The following SLC6A13 variants were observed in gnomAD, a reference collection of about 807,000 sequenced individuals.
SLC6A13 encodes sodium- and chloride-dependent GABA transporter 2.
In SLC6A13, 69 loss-of-function variants were observed where a neutral mutation model predicts 72.9. The ratio of observed to expected loss-of-function variants is 0.95; its 90% CI spans 0.78 to 1.16. The LOEUF (loss-of-function observed/expected upper bound fraction) is 1.16. Among genes scored for constraint, SLC6A13 ranks in the 50% most tolerant of loss-of-function variants. The pLI is 0.00. For synonymous variants in SLC6A13, 303 were observed against 303.0 expected (o/e 1.00, Z 0.00); for missense variants, 735 against 760.5 (o/e 0.97, Z 0.39).
At chr12:227,496 C>T (rs1451588919) in intron 8 of SLC6A13, 69 bp downstream of exon 8, 67 of 1,601,312 alleles carry the variant, frequency 4.2e-5, no homozygotes, top group Non-Finnish European at 5.5e-5. Context: ...AACTCACCCT[C>T]GTCTAGCGTG....
chr12:244,550 C>T (rs1249057377), intron 2 of SLC6A13, among the ~76,000 whole-genome samples: 4 of 152,120 alleles, frequency 2.6e-5, no homozygotes, highest in African/African-American at 9.7e-5. Context: ...ATTATCTGGG[C>T]ATGGCTGTGT....
At chr12:250,123 T>A (rs1027230897) in intron 2 of SLC6A13, among the ~76,000 whole-genome samples, 1 of 152,124 alleles carries the variant, frequency 6.6e-6, no homozygotes, top group African/African-American at 2.4e-5. Flanking sequence ...CCAGCAATGA[T>A]GAGGAGAAGA....
chr12:244,766 C>A (rs505211), intron 2 of SLC6A13, among the ~76,000 whole-genome samples: 41,635 of 152,082 alleles, frequency 0.27, 5,918 homozygotes, highest in East Asian at 0.46. Context: ...CTGCCATGGG[C>A]TGACACAAAG....
At chr12:236,550 C>T (rs752489377) in intron 6 of SLC6A13, among the ~76,000 whole-genome samples, 1 of 152,244 alleles carries the variant, frequency 6.6e-6, no homozygotes, top group African/African-American at 2.4e-5. Flanking sequence ...TCCCCTGACA[C>T]ATATTCAATA....
chr12:233,405 C>T (rs1338769780), intron 7 of SLC6A13, among the ~76,000 whole-genome samples: 6 of 152,220 alleles, frequency 3.9e-5, no homozygotes, highest in African/African-American at 1.4e-4. Flanking sequence ...CAGCAGGCAA[C>T]ACCACCCCTC....
chr12:238,650 T>C (rs1942033182), intron 4 of SLC6A13, among the ~76,000 whole-genome samples: 1 of 152,180 alleles, frequency 6.6e-6, no homozygotes. Context: ...ATAAATACAA[T>C]AATCCTGGGA....
At chr12:256,722 C>T (rs965227527) in intron 2 of SLC6A13, 1 of 152,132 alleles carries the variant, frequency 6.6e-6, no homozygotes, top group African/African-American at 2.4e-5. Flanking sequence ...CATCCCTGAG[C>T]TTCTCACTAA....
rs1479033555 is a variant in SLC6A13 at position 232,089 on chromosome 12, T to C, written c.831+3001A>G. Among the ~76,000 whole-genome samples the C allele has an allele frequency of 5.3e-5, 8 of 152,202 alleles. No homozygotes were observed. The South Asian group carries it at 1.2e-3, about 24-fold the overall frequency. ...CTGCTGTGAGCGTTTGCTGAAATAA[T>C]GCATGTAAGCCTCTTAACAATGTCA... On this transcript the variant is annotated intron_variant, in intron 7 of 14. Transcript: ENST00000343164.
At chr12:242,275 C>A (rs986954182) in intron 4 of SLC6A13, among the ~76,000 whole-genome samples, 1 of 152,138 alleles carries the variant, frequency 6.6e-6, no homozygotes, top group African/African-American at 2.4e-5. Flanking sequence ...GTTTGAAAGA[C>A]CTAAAACGTA....
intron 4 of SLC6A13, 139 bp from the exon 5 acceptor site, chr12:238,149 A>G: frequency 3.2e-6 from 5 of 1,540,888 alleles, no homozygotes; most frequent in Non-Finnish European, 4.4e-6. Flanking sequence ...TCTGTACAAA[A>G]CATCCTCCCA....
At position 237,409 on chromosome 12, in the gene SLC6A13, C is replaced by T. The variant is rs546844825; in HGVS notation, c.564-119G>A. ...GCTCTTGTCCAAAGGCTTCTCTGCTCTCTTCACATGAGGCCATCCTTAGCC... is the reference window on the plus strand; with the variant it reads ...GCTCTTGTCCAAAGGCTTCTCTGCTTTCTTCACATGAGGCCATCCTTAGCC... On this transcript the variant is annotated intron_variant, in intron 5 of 14. Transcript: ENST00000343164. The T allele has an allele frequency of 1.9e-5, 21 of 1,097,970 alleles. 1 individual carries two copies. The South Asian group carries it at 2.9e-4, about 15-fold the overall frequency. 68.0% of individuals were successfully genotyped at this position (1,097,970 alleles called of 1,614,324 possible). A position where few individuals can be genotyped will look rare whatever the true frequency, so the allele number is the denominator to read the frequency against.
intron 14 of SLC6A13, 71 bp from the exon 15 acceptor site, chr12:221,141 A>G: frequency 6.6e-7 from 1 of 1,516,296 alleles, no homozygotes; most frequent in Non-Finnish European, 8.8e-7. Flanking sequence ...CTCATCACCA[A>G]CATCTGCTGC....
intron 2 of SLC6A13, among the ~76,000 whole-genome samples, chr12:252,550 T>C (rs900313563): frequency 6.6e-6 from 1 of 152,230 alleles, no homozygotes; most frequent in Non-Finnish European, 1.5e-5. Context: ...CTCAAGGTTG[T>C]ATTCTACACA....
At chr12:250,023 T>G (rs142903362) in intron 2 of SLC6A13, among the ~76,000 whole-genome samples, 160 of 152,252 alleles carry the variant, frequency 1.1e-3, no homozygotes, top group Middle Eastern at 0.01. Flanking sequence ...CTCATCCTGT[T>G]AACAAATTAC....
intron 2 of SLC6A13, among the ~76,000 whole-genome samples, chr12:256,967 C>A (rs1297667795): frequency 6.6e-6 from 1 of 152,104 alleles, no homozygotes; most frequent in Non-Finnish European, 1.5e-5. Flanking sequence ...AAGCATTAAA[C>A]CAGGAGGAAA....
At position 227,555 on chromosome 12, in the gene SLC6A13, C is replaced by T. The variant is rs1486514462; in HGVS notation, c.935+10G>A. ...CAGGTGTGTGGCTCAGGCCCCACGC[C>T]CCCAATCACCTGTAGCAGTTGTTGT... On this transcript the variant is annotated intron_variant, in intron 8 of 14. Transcript: ENST00000343164. The T allele has an allele frequency of 2.5e-6, 4 of 1,613,758 alleles. No homozygotes were observed. The highest frequency in any genetic ancestry group is 3.4e-6 in the Non-Finnish European group (4 of 1,179,876).
chr12:262,713 G>C (rs747162346), intron 1 of SLC6A13, 76 bp downstream of exon 1: 29 of 984,830 alleles, frequency 2.9e-5, no homozygotes, highest in African/African-American at 5.2e-5. Flanking sequence ...TCCTTTGGTT[G>C]TAAGTCCCAT....
rs367754019 is a variant in SLC6A13, at chr12:224,087, A to G, written c.1216T>C (p.Tyr406His). 2 of 1,614,186 alleles carry G rather than the reference A, an allele frequency of 1.2e-6. No individual in the cohort carries two copies. Among genetic ancestry groups the G allele is most frequent in the Non-Finnish European group, 8.5e-7 (1 of 1,180,024 alleles). Residue 406 changes from tyrosine to histidine, a missense_variant, in exon 11 of 15, where the codon TAC (tyrosine) becomes CAC (histidine). Transcript: ENST00000343164. ...ESLVTALVDM[Y>H]PHVFRKKNRR... Reference sequence around the variant, plus strand: ...TTCTTCTTGCGGAACACGTGAGGGTACATGTCCACCAGCGCTGTCACCAGG... The same window carrying G: ...TTCTTCTTGCGGAACACGTGAGGGTGCATGTCCACCAGCGCTGTCACCAGG...
chr12:232,708 G>A (rs1325212766), intron 7 of SLC6A13, among the ~76,000 whole-genome samples: 1 of 152,218 alleles, frequency 6.6e-6, no homozygotes, highest in African/African-American at 2.4e-5. Context: ...AGAAATGGGA[G>A]AAGGGAAGGA....
Sources: gnomAD v4.1 joint callset for allele counts (sites outside exome capture counted in the v4.1 genomes callset) on GRCh38, gnomAD v4.1.1 for gene constraint, MANE v1.5 for transcripts, NCBI Gene and HGNC (gene_info 2026-07-23, HGNC 2026-07-21) for gene names.